NR2F1: variants seen among roughly 807,000 people sequenced by gnomAD.
The protein encoded by NR2F1 is COUP transcription factor 1.
NR2F1 carries 1 observed loss-of-function variant against 37.7 expected under a neutral mutation model. The ratio of observed to expected loss-of-function variants is 0.03; its 90% CI spans 0.01 to 0.13. The LOEUF is 0.13. Ranked by LOEUF, NR2F1 falls within the 10% of genes least tolerant of loss-of-function variation. NR2F1 has a pLI of 1.00. For missense variants in NR2F1, 268 were observed against 578.4 expected, an observed-to-expected ratio of 0.46 and a Z score of 5.50; for synonymous variants, 275 against 259.6, an observed-to-expected ratio of 1.06 and a Z score of -0.57.
chr5:93,593,443 CTT>C lies in NR2F1; in HGVS notation c.992-114_992-113del. ...TGAATTTTTCTTTTCTCTTTTACTT[CTT>C]TTTTATTTTCCATTTTCTCCTTAAA... On this transcript the variant is annotated intron_variant, in intron 2 of 2. Coordinates refer to ENST00000327111, the MANE Select transcript of NR2F1 (RefSeq NM_005654.6). The surrounding 1 kb of genome is among the most constrained non-coding windows in gnomAD (Gnocchi z 5.6). 9.2e-7 allele frequency: 1 copy of C among 1,086,206 alleles called. No individual in the cohort carries two copies. The highest frequency in any genetic ancestry group is 3.1e-4 in the Middle Eastern group (1 of 3,206). The allele number at this position is 1,086,206 out of a possible 1,614,324, so 67.3% of individuals were successfully genotyped here. A position where few individuals can be genotyped will look rare whatever the true frequency, so the allele number is the denominator to read the frequency against.
chr5:93,591,891 G>A (rs1268395017), intron 2 of NR2F1: 1 of 152,156 alleles, frequency 6.6e-6, no homozygotes, highest in Admixed American at 6.5e-5. Flanking sequence ...AAGCAGCAAA[G>A]CCCCACAGAG....
rs1753206859 is a variant in NR2F1 at position 93,585,140 on chromosome 5, G to C, written c.117G>C (p.Glu39Asp). The stretch of plus-strand genomic sequence containing the variant: ...GCGGCGGCGGCGGCGGCGCCGGCGA[G>C]CAGCAGCAGCAGGCGGGCTCGGGCG... ...AARGGGGGAGEQQQQAGSGAP... is the reference protein window; with the variant it reads ...AARGGGGGAGDQQQQAGSGAP... Residue 39 changes from glutamate to aspartate, a missense_variant, in exon 1 of 3, where the codon GAG becomes GAC. Around this residue, in one of 5 missense-constraint regions of NR2F1, gnomAD observed 90 missense variants for 106.5 expected, o/e 0.85. Coordinates refer to ENST00000327111, the MANE Select transcript of NR2F1 (RefSeq NM_005654.6). 3.7e-6 allele frequency: 4 copies of C among 1,083,498 alleles called. No homozygotes were observed. In the Admixed American group the frequency reaches 2.1e-4, roughly 58 times the overall value. The allele number at this position is 1,083,498 out of a possible 1,614,324, so 67.1% of individuals were successfully genotyped here.
In NR2F1 at chr5:93,584,214, G is replaced by T. The variant is rs1753181772; in HGVS notation, c.-810G>T. 6.7e-6 allele frequency: 1 copy of T among 148,186 alleles called. No individual in the cohort carries two copies. The highest frequency in any genetic ancestry group is 2.1e-4 in the South Asian group (1 of 4,806). 9.2% of individuals were successfully genotyped at this position (148,186 alleles called of 1,614,324 possible). A position where few individuals can be genotyped will look rare whatever the true frequency, so the allele number is the denominator to read the frequency against. ...CCGCTCGCGCTCCGGCTGCGGCCCC[G>T]ACTCCTGCTCGGACTCCGGCCCGGG... On this transcript the variant is annotated 5_prime_UTR_variant, in exon 1 of 3. Transcript: ENST00000327111.
At position 93,593,190 on chromosome 5, in the gene NR2F1, C is replaced by T. The variant is rs1044875760; in HGVS notation, c.992-372C>T. Among the ~76,000 whole-genome samples the T allele has an allele frequency of 2.0e-5, 3 of 152,112 alleles. No homozygotes were observed. The highest frequency in any genetic ancestry group is 2.9e-5 in the Non-Finnish European group (2 of 68,030). The stretch of plus-strand genomic sequence containing the variant: ...GCCAGAAAGATGCTCCCTTGCAGGC[C>T]GAGGACAGGTTGTTAAGCGCAGCAA... On this transcript the variant is annotated intron_variant, in intron 2 of 2. Coordinates refer to ENST00000327111, the MANE Select transcript of NR2F1 (RefSeq NM_005654.6). The surrounding 1 kb of genome is among the most constrained non-coding windows in gnomAD (Gnocchi z 5.6).
At chr5:93,588,655 C>G (rs1357575289) in intron 2 of NR2F1, among the ~76,000 whole-genome samples, 4 of 150,638 alleles carry the variant, frequency 2.7e-5, no homozygotes, top group African/African-American at 9.7e-5. Flanking sequence ...GTGCGGGAAC[C>G]GAGGCGGCGC....
Position 93,588,203 on chromosome 5 carries a change from C to G in NR2F1, c.750C>G (p.Ser250=). ...FPDLQITDQV[S]LLRLTWSELF... is the part of the protein sequence containing the mutation. ...ATCTGCAGATCACCGACCAGGTGTC[C>G]CTGCTACGCCTCACCTGGAGCGAGC... Residue 250 remains serine, a synonymous_variant, in exon 2 of 3, where the codon TCC becomes TCG. Coordinates refer to ENST00000327111, the MANE Select transcript of NR2F1 (RefSeq NM_005654.6). The G allele has an allele frequency of 1.2e-6, 2 of 1,614,096 alleles. No individual in the cohort carries two copies. Among genetic ancestry groups the G allele is most frequent in the Non-Finnish European group, 1.7e-6 (2 of 1,179,996 alleles).
Position 93,588,007 on chromosome 5 carries a change from T to A in NR2F1, c.554T>A (p.Leu185Gln). 1.2e-6 allele frequency: 2 copies of A among 1,614,050 alleles called. No homozygotes were observed. Among genetic ancestry groups the A allele is most frequent in the Non-Finnish European group, 1.7e-6 (2 of 1,179,972 alleles). Reference sequence around the variant, plus strand: ...GACCCCCTCAACGGCCACTGCTACCTGTCCGGCTACATCTCGCTGCTGCTG... The same window carrying A: ...GACCCCCTCAACGGCCACTGCTACCAGTCCGGCTACATCTCGCTGCTGCTG... ...NGDPLNGHCYLSGYISLLLRA... is the reference protein window; with the variant it reads ...NGDPLNGHCYQSGYISLLLRA... The change falls in exon 2 of 3, where the codon CTG becomes CAG. Residue 185 changes from leucine (L) to glutamine (Q), a missense_variant. Around this residue, in one of 5 missense-constraint regions of NR2F1, gnomAD observed 42 missense variants for 72.5 expected, o/e 0.58. Coordinates refer to ENST00000327111, the MANE Select transcript of NR2F1 (RefSeq NM_005654.6).
chr5:93,588,599 C>A (rs2149943306), intron 2 of NR2F1, among the ~76,000 whole-genome samples, 155 bp downstream of exon 2: 1 of 149,124 alleles, frequency 6.7e-6, no homozygotes, highest in African/African-American at 2.4e-5. Context: ...GTGACCCCCG[C>A]GCGGTGACCG....
intron 1 of NR2F1, chr5:93,585,714 C>G (rs938204920): frequency 5.4e-6 from 3 of 559,710 alleles, no homozygotes; most frequent in South Asian, 2.1e-5. Context: ...CCGGCTCCCC[C>G]ACCCCGCCCG....
In NR2F1 at chr5:93,584,669, C is replaced by G. The variant is rs1237288770; in HGVS notation, c.-355C>G. Reference sequence around the variant, plus strand: ...GCGCGGCCCCCCCAGGAACGGAGCGCGGGGGGAGCGGGCGAGGGGAGCAGG... The same window carrying G: ...GCGCGGCCCCCCCAGGAACGGAGCGGGGGGGGAGCGGGCGAGGGGAGCAGG... On this transcript the variant is annotated 5_prime_UTR_variant, in exon 1 of 3. Transcript: ENST00000327111. The G allele has an allele frequency of 2.8e-5, 2 of 71,356 alleles. No homozygotes were observed. The highest frequency in any genetic ancestry group is 8.9e-4 in the East Asian group (2 of 2,240). The allele number at this position is 71,356 out of a possible 1,614,324, so 4.4% of individuals were successfully genotyped here. A position where few individuals can be genotyped will look rare whatever the true frequency, so the allele number is the denominator to read the frequency against.
Position 93,584,358 on chromosome 5 carries a change from C to A in NR2F1, c.-666C>A. The A allele has an allele frequency of 6.7e-6, 1 of 149,826 alleles. No homozygotes were observed. Among genetic ancestry groups the A allele is most frequent in the South Asian group, 1.8e-4 (1 of 5,516 alleles). The allele number at this position is 149,826 out of a possible 1,614,324, so 9.3% of individuals were successfully genotyped here. A position where few individuals can be genotyped will look rare whatever the true frequency, so the allele number is the denominator to read the frequency against. On this transcript the variant is annotated 5_prime_UTR_variant, in exon 1 of 3. Transcript: ENST00000327111. ...CCGCCTCCGCCCTCGCCGGCTTCCT[C>A]TATGTCGGCTCAGCCCGCGCGCTGC...
chr5:93,590,383 C>T (rs935813077), intron 2 of NR2F1, among the ~76,000 whole-genome samples: 6 of 152,158 alleles, frequency 3.9e-5, no homozygotes, highest in African/African-American at 9.7e-5. Context: ...GTGCAGGCTG[C>T]AGGGAAACAC....
chr5:93,585,076 G>C lies in NR2F1; in HGVS notation c.53G>C (p.Gly18Ala). The C allele has an allele frequency of 9.7e-7, 1 of 1,027,714 alleles. No homozygotes were observed. Among genetic ancestry groups the C allele is most frequent in the Non-Finnish European group, 1.2e-6 (1 of 859,050 alleles). 63.7% of individuals were successfully genotyped at this position (1,027,714 alleles called of 1,614,324 possible). A position where few individuals can be genotyped will look rare whatever the true frequency, so the allele number is the denominator to read the frequency against. The change falls in exon 1 of 3, where the codon GGC (glycine) becomes GCC (alanine). Residue 18 changes from glycine to alanine, a missense_variant. Coordinates refer to ENST00000327111, the MANE Select transcript of NR2F1 (RefSeq NM_005654.6). ...GATCCGCAGGACGACGTGGCCGGGG[G>C]CAACCCCGGCGGCCCCAACCCCGCA... ...WRDPQDDVAG[G>A]NPGGPNPAAQ...
In NR2F1 at chr5:93,584,963, C is replaced by A; in HGVS notation, c.-61C>A. 1.3e-6 allele frequency: 1 copy of A among 751,776 alleles called. No homozygotes were observed. The highest frequency in any genetic ancestry group is 1.6e-6 in the Non-Finnish European group (1 of 618,312). 46.6% of individuals were successfully genotyped at this position (751,776 alleles called of 1,614,324 possible). ...TCCCCTTCCCCTCCCAGCGCGCCCG[C>A]GCGCCCCGCGGCCCTCGGCGAGCAG... On this transcript the variant is annotated 5_prime_UTR_variant, in exon 1 of 3. Coordinates refer to ENST00000327111, the MANE Select transcript of NR2F1 (RefSeq NM_005654.6).
At position 93,588,234 on chromosome 5, in the gene NR2F1, G is replaced by C; in HGVS notation, c.781G>C (p.Val261Leu). 2 of 1,613,948 alleles carry C rather than the reference G, an allele frequency of 1.2e-6. No homozygotes were observed. The highest frequency in any genetic ancestry group is 1.7e-6 in the Non-Finnish European group (2 of 1,179,994). ...ACGCCTCACCTGGAGCGAGCTGTTC[G>C]TGCTCAACGCGGCCCAGTGCTCTAT... is the stretch of plus-strand genomic sequence containing the variant. ...LLRLTWSELF[V>L]LNAAQCSMPL... The change falls in exon 2 of 3, where the codon GTG becomes CTG. Residue 261 changes from valine (V) to leucine (L), a missense_variant. Physicochemically the swap from Val to Leu is conservative, Grantham distance 32. Around this residue, in one of 5 missense-constraint regions of NR2F1, gnomAD observed 21 missense variants for 94.5 expected, o/e 0.22. Coordinates refer to ENST00000327111, the MANE Select transcript of NR2F1 (RefSeq NM_005654.6).
intron 2 of NR2F1, among the ~76,000 whole-genome samples, chr5:93,588,668 G>A (rs1175895606): frequency 1.3e-5 from 2 of 151,108 alleles, no homozygotes; most frequent in African/African-American, 4.8e-5. Context: ...GGCGGCGCGG[G>A]TGCGGCCGGC....
Position 93,593,926 on chromosome 5 carries a change from C to A in NR2F1, c.*84C>A. ...CAAGGACTCCAAAGCCGCGGGGACA[C>A]CGGGAAGTGCAGCGGGCCAGGCAGG... On this transcript the variant is annotated 3_prime_UTR_variant, in exon 3 of 3. Coordinates refer to ENST00000327111, the MANE Select transcript of NR2F1 (RefSeq NM_005654.6). This position sits in a 1 kb window ranked among gnomAD's most constrained non-coding sequence, Gnocchi z 5.6. 2 of 1,393,934 alleles carry A rather than the reference C, an allele frequency of 1.4e-6. No homozygotes were observed. The highest frequency in any genetic ancestry group is 2.0e-6 in the Non-Finnish European group (2 of 1,014,140). 86.3% of individuals were successfully genotyped at this position (1,393,934 alleles called of 1,614,324 possible).
chr5:93,584,912 G>GCCCCCTCCCCCT lies in NR2F1; in HGVS notation c.-106_-95dup, dbSNP rs1753200161. The stretch of plus-strand genomic sequence containing the variant: ...CCCCGGGGCGCCCGGCGGGCCCCCC[G>GCCCCCTCCCCCT]CCCCCTCCCCCTCCCCCCTTCCCCT... On this transcript the variant is annotated 5_prime_UTR_variant, in exon 1 of 3. Coordinates refer to ENST00000327111, the MANE Select transcript of NR2F1 (RefSeq NM_005654.6). The GCCCCCTCCCCCT allele has an allele frequency of 1.7e-4, 4 of 23,704 alleles. No individual in the cohort carries two copies. The highest frequency in any genetic ancestry group is 5.1e-4 in the African/African-American group (3 of 5,868). 1.5% of individuals were successfully genotyped at this position (23,704 alleles called of 1,614,324 possible).
intron 2 of NR2F1, among the ~76,000 whole-genome samples, chr5:93,590,722 G>A (rs769958540): frequency 5.3e-5 from 8 of 152,174 alleles, no homozygotes; most frequent in Admixed American, 1.3e-4. Flanking sequence ...TTTGAATGAT[G>A]GAAAAGACAG....
Sources: allele counts gnomAD v4.1 joint callset (sites outside exome capture counted in the v4.1 genomes callset), GRCh38; gene constraint gnomAD v4.1.1; regional missense constraint gnomAD v4.1.1; non-coding constraint Gnocchi (gnomAD v3.1); transcripts MANE v1.5; gene names NCBI Gene and HGNC (gene_info 2026-07-23, HGNC 2026-07-21).